The following SLC16A2 variants were observed in gnomAD, a reference collection of about 807,000 sequenced individuals.
SLC16A2 encodes the protein solute carrier family 16 member 2, also known as monocarboxylate transporter 8.
A neutral mutation model predicts 27.2 loss-of-function variants in SLC16A2; 3 were observed. The ratio of observed to expected loss-of-function variants is 0.11; its 90% confidence interval spans 0.05 to 0.28. SLC16A2 has a LOEUF of 0.28. SLC16A2 is among the 10% of genes least tolerant of loss of function. The pLI is 1.00. For missense variants in SLC16A2, 295 were observed against 458.5 expected, an observed-to-expected ratio of 0.64 and a Z score of 3.26; for synonymous variants, 202 against 187.8, an observed-to-expected ratio of 1.08 and a Z score of -0.62.
chrX:74,462,507 A>G (rs953225658), intron 1 of SLC16A2, among the ~76,000 whole-genome samples: 10 of 111,100 alleles, frequency 9.0e-5, no homozygotes, highest in African/African-American at 3.3e-4. Context: ...TTCAGTAGAG[A>G]CGGGGTTTCA....
chrX:74,522,806 A>G (rs1400731619), intron 2 of SLC16A2, among the ~76,000 whole-genome samples: 1 of 111,750 alleles, frequency 8.9e-6, no homozygotes, highest in African/African-American at 3.3e-5. Flanking sequence ...GAGGATCTTC[A>G]GAGCCAAGAA....
At chrX:74,496,039 C>T (rs1317445738) in intron 1 of SLC16A2, among the ~76,000 whole-genome samples, 2 of 110,981 alleles carry the variant, frequency 1.8e-5, no homozygotes, top group East Asian at 2.8e-4. Context: ...GCCCAACTGC[C>T]CGGTCTTCCA....
At position 74,430,209 on chromosome X, in the gene SLC16A2, C is replaced by T. The variant is rs985743112; in HGVS notation, c.430+8142C>T. 7.1e-5 allele frequency among the ~76,000 whole-genome samples: 8 copies of T among 112,320 alleles called. No individual in the cohort carries two copies. The Admixed American group carries it at 7.6e-4, about 11-fold the overall frequency. On this transcript the variant is annotated intron_variant, in intron 1 of 5. Coordinates refer to ENST00000587091, the MANE Select transcript of SLC16A2 (RefSeq NM_006517.5). ...TATGAGGTAGGTACCATTATTTCCTCTATTTCACAGATAAAGAGAAGCACA... is the reference window on the plus strand; with the variant it reads ...TATGAGGTAGGTACCATTATTTCCTTTATTTCACAGATAAAGAGAAGCACA...
intron 1 of SLC16A2, among the ~76,000 whole-genome samples, chrX:74,490,225 G>T (rs1246024172): frequency 9.0e-6 from 1 of 110,958 alleles, no homozygotes; most frequent in Non-Finnish European, 1.9e-5. Context: ...TTTCCTTAAC[G>T]TAAATGTGAA....
At position 74,533,151 on chromosome X, in the gene SLC16A2, C is replaced by T. The variant is rs1249250402; in HGVS notation, c.*1598C>T. The T allele has an allele frequency of 8.9e-6, 1 of 112,316 alleles. No homozygotes were observed. Among genetic ancestry groups the T allele is most frequent in the African/African-American group, 3.2e-5 (1 of 30,795 alleles). The allele number at this position is 112,316 out of a possible 1,213,427, so 9.3% of individuals were successfully genotyped here. On this transcript the variant is annotated 3_prime_UTR_variant, in exon 6 of 6. Transcript: ENST00000587091. ...CTTGGAGCCAACAGTAACTTGCCAC[C>T]TTAAGGCAGGGTCATCCCCGGGCCA...
At chrX:74,531,304 G>C (rs1395311458) in intron 5 of SLC16A2, 29 bp from the exon 6 acceptor site, 1 of 1,173,061 alleles carries the variant, frequency 8.5e-7, no homozygotes, top group Non-Finnish European at 1.2e-6. Context: ...GCAAAGCTGA[G>C]CTTGACTTGT....
intron 1 of SLC16A2, 78 bp downstream of exon 1, chrX:74,422,145 G>T (rs1269982575): frequency 3.0e-6 from 3 of 994,130 alleles, no homozygotes. Flanking sequence ...CATACCTCCC[G>T]GTCCGAGGCG....
chrX:74,517,057 G>A (rs1158942931), intron 1 of SLC16A2, among the ~76,000 whole-genome samples: 1 of 111,869 alleles, frequency 8.9e-6, no homozygotes, highest in Admixed American at 9.5e-5. Flanking sequence ...GATCTTTGTG[G>A]TGATGGAATA....
intron 5 of SLC16A2, among the ~76,000 whole-genome samples, chrX:74,530,842 T>C (rs986765855): frequency 9.0e-6 from 1 of 111,658 alleles, no homozygotes; most frequent in Non-Finnish European, 1.9e-5. Context: ...GGGACAACCA[T>C]ATATGTAACT....
chrX:74,476,099 C>T (rs1261488249), intron 1 of SLC16A2, among the ~76,000 whole-genome samples: 3 of 111,551 alleles, frequency 2.7e-5, no homozygotes, highest in African/African-American at 9.8e-5. Context: ...AATATTGATT[C>T]TTCCTACCCA....
intron 5 of SLC16A2, among the ~76,000 whole-genome samples, chrX:74,531,010 C>A (rs1386056785): frequency 8.9e-6 from 1 of 112,245 alleles, no homozygotes; most frequent in East Asian, 2.8e-4. Flanking sequence ...CACTGTGGAC[C>A]AAGACAACAC....
chrX:74,526,350 C>A (rs1930487238), intron 4 of SLC16A2, among the ~76,000 whole-genome samples: 1 of 111,232 alleles, frequency 9.0e-6, no homozygotes, highest in Non-Finnish European at 1.9e-5. Context: ...AGATAGCCCC[C>A]AAAATCAAGT....
At position 74,524,681 on chromosome X, in the gene SLC16A2, C is replaced by A. The variant is rs1176102294; in HGVS notation, c.898C>A (p.His300Asn). 8.3e-7 allele frequency: 1 copy of A among 1,210,182 alleles called. No individual in the cohort carries two copies. Among genetic ancestry groups the A allele is most frequent in the Non-Finnish European group, 1.1e-6 (1 of 895,317 alleles). Residue 300 changes from histidine to asparagine, a missense_variant, in exon 3 of 6, where the codon CAC (histidine) becomes AAC (asparagine). His to Asn is a moderately conservative substitution (Grantham distance 68, BLOSUM62 1). Coordinates refer to ENST00000587091, the MANE Select transcript of SLC16A2 (RefSeq NM_006517.5). ...TPSKRGVRTL[H>N]QRFLAQLRKY... ...AAGCAAGAGAGGTGTCCGCACCCTG[C>A]ACCAGCGCTTTCTGGCTCAGCTCAG...
intron 1 of SLC16A2, chrX:74,473,448 A>G: frequency 1.8e-6 from 1 of 540,972 alleles, no homozygotes; most frequent in Admixed American, 2.3e-5. Context: ...ACACTATGGT[A>G]TTTCTGAATG....
intron 1 of SLC16A2, among the ~76,000 whole-genome samples, chrX:74,501,969 A>G (rs1035884088): frequency 1.8e-5 from 2 of 111,614 alleles, no homozygotes; most frequent in African/African-American, 3.3e-5. Flanking sequence ...AATAATAATA[A>G]AAAAGAATAT....
chrX:74,484,507 A>T (rs1479122949), intron 1 of SLC16A2, among the ~76,000 whole-genome samples: 1 of 111,678 alleles, frequency 9.0e-6, no homozygotes, highest in Non-Finnish European at 1.9e-5. Context: ...AATAGGTTGT[A>T]AAATGTTTCT....
At chrX:74,503,428 G>A (rs1169248870) in intron 1 of SLC16A2, among the ~76,000 whole-genome samples, 1 of 111,508 alleles carries the variant, frequency 9.0e-6, no homozygotes, top group African/African-American at 3.3e-5. Flanking sequence ...GGGGAGTCTG[G>A]AGCAAGCTGT....
At chrX:74,439,760 G>A (rs1928708214) in intron 1 of SLC16A2, among the ~76,000 whole-genome samples, 1 of 109,784 alleles carries the variant, frequency 9.1e-6, no homozygotes, top group Non-Finnish European at 1.9e-5. Context: ...GGTCATTAGA[G>A]CCTAAGGTTT....
At chrX:74,447,741 A>G (rs1262539740) in intron 1 of SLC16A2, among the ~76,000 whole-genome samples, 2 of 109,666 alleles carry the variant, frequency 1.8e-5, no homozygotes, top group African/African-American at 6.7e-5. Flanking sequence ...CACTCTGGAA[A>G]GCTGAGGCGG....
Sources: allele counts gnomAD v4.1 joint callset (sites outside exome capture counted in the v4.1 genomes callset), GRCh38; gene constraint gnomAD v4.1.1; transcripts MANE v1.5; gene names NCBI Gene and HGNC (gene_info 2026-07-23, HGNC 2026-07-21).